UGT1A10: variants seen among roughly 807,000 people sequenced by gnomAD.
The protein encoded by UGT1A10 is UDP glucuronosyltransferase family 1 member A10.
A neutral mutation model predicts 45.8 loss-of-function variants in UGT1A10; 49 were observed. The observed-to-expected ratio is 1.07, with a 90% confidence interval of 0.85 to 1.36. The LOEUF (loss-of-function observed/expected upper bound fraction) is 1.36, where lower values mean the gene tolerates loss of function less well. Among genes scored for constraint, UGT1A10 ranks in the 40% most tolerant of loss-of-function variants. The pLI is 0.00. For missense variants in UGT1A10, 745 were observed against 668.6 expected (o/e 1.11, Z -1.26); for synonymous variants, 284 against 249.7 (o/e 1.14, Z -1.29).
chr2:233,740,373 A>C (rs1691376932), intron 1 of UGT1A10, among the ~76,000 whole-genome samples: 2 of 151,912 alleles, frequency 1.3e-5, no homozygotes, highest in Non-Finnish European at 2.9e-5. Context: ...CTAGAAAGGT[A>C]AGTTGTTGTG....
intron 1 of UGT1A10, among the ~76,000 whole-genome samples, chr2:233,765,711 T>TTAATAATAA (rs10664358): frequency 0.012 from 1,790 of 149,272 alleles, 15 homozygotes; most frequent in Middle Eastern, 0.045. Context: ...ATAATAATAA[T>TTAATAATAA]TAATAATAAT....
intron 1 of UGT1A10, among the ~76,000 whole-genome samples, chr2:233,744,613 C>G (rs1692866168): frequency 6.6e-6 from 1 of 151,808 alleles, no homozygotes; most frequent in South Asian, 2.1e-4. Context: ...GTACTTGGCT[C>G]TATAGAGAGG....
intron 4 of UGT1A10, 76 bp from the exon 5 acceptor site, chr2:233,772,186 A>G (rs1281313129): frequency 2.5e-6 from 4 of 1,593,838 alleles, no homozygotes; most frequent in Non-Finnish European, 2.6e-6. Flanking sequence ...AGTCTTCTTA[A>G]GCAGCCATGA....
intron 1 of UGT1A10, among the ~76,000 whole-genome samples, chr2:233,637,690 C>A (rs2073338384): frequency 1.3e-5 from 2 of 152,106 alleles, no homozygotes; most frequent in South Asian, 4.2e-4. Context: ...TTCTATGTGA[C>A]CCCGTAGTTG....
chr2:233,724,345 C>T (rs2077230471), intron 1 of UGT1A10, among the ~76,000 whole-genome samples: 3 of 148,032 alleles, frequency 2.0e-5, no homozygotes, highest in East Asian at 2.1e-4. Flanking sequence ...GGCTGACCCC[C>T]CCCACCTCCC....
chr2:233,671,284 T>C (rs1575414721), intron 1 of UGT1A10, among the ~76,000 whole-genome samples: 1 of 152,220 alleles, frequency 6.6e-6, no homozygotes, highest in East Asian at 1.9e-4. Context: ...GAAAGCCATT[T>C]AAAATAGGAG....
rs140860588 is a variant in UGT1A10 at position 233,718,960 on chromosome 2, C to T, written c.856-48074C>T. On this transcript the variant is annotated intron_variant, in intron 1 of 4. Coordinates refer to ENST00000344644, the MANE Select transcript of UGT1A10 (RefSeq NM_019075.4). ...AGCCCCTGGCTCAGCATGCGGGAGG[C>T]CTTGCGGGAGCTCCATGCCAGAGGC... 1.4e-4 allele frequency: 218 copies of T among 1,614,192 alleles called. No homozygotes were observed. The highest frequency in any genetic ancestry group is 1.5e-4 in the Non-Finnish European group (177 of 1,180,018).
intron 1 of UGT1A10, among the ~76,000 whole-genome samples, chr2:233,720,305 G>A (rs1333507011): frequency 1.3e-5 from 2 of 152,288 alleles, no homozygotes; most frequent in African/African-American, 2.4e-5. Context: ...TGGGGGTCTG[G>A]TGTATGATGT....
intron 1 of UGT1A10, among the ~76,000 whole-genome samples, chr2:233,765,584 C>T (rs1030389138): frequency 7.2e-5 from 11 of 151,846 alleles, no homozygotes; most frequent in African/African-American, 4.8e-5. Flanking sequence ...GGGAGGGGAA[C>T]AACACACACC....
At chr2:233,641,166 A>C (rs763525009) in intron 1 of UGT1A10, among the ~76,000 whole-genome samples, 3 of 152,072 alleles carry the variant, frequency 2.0e-5, no homozygotes, top group Non-Finnish European at 4.4e-5. Context: ...CTTGCTGACT[A>C]TCTTGCAACA....
chr2:233,747,574 CT>C, intron 1 of UGT1A10: 1 of 1,587,022 alleles, frequency 6.3e-7, no homozygotes, highest in Non-Finnish European at 8.7e-7. Flanking sequence ...AAAAATTCAT[CT>C]TTGGTCTTTC....
intron 1 of UGT1A10, among the ~76,000 whole-genome samples, chr2:233,684,934 AGT>A (rs1284921630): frequency 1.3e-5 from 2 of 148,296 alleles, no homozygotes; most frequent in Non-Finnish European, 3.0e-5. Context: ...CAGGATTCAT[AGT>A]CTGCATTTCA....
intron 1 of UGT1A10, chr2:233,691,741 C>G (rs1019333955): frequency 3.1e-6 from 2 of 651,030 alleles, no homozygotes; most frequent in Non-Finnish European, 3.8e-6. Flanking sequence ...GAAGCAGATA[C>G]CAGGCTTTCT....
intron 1 of UGT1A10, among the ~76,000 whole-genome samples, chr2:233,653,978 C>T (rs2073797020): frequency 2.0e-5 from 3 of 152,222 alleles, no homozygotes; most frequent in Non-Finnish European, 4.4e-5. Flanking sequence ...TTTGTACGTA[C>T]ATGCCTAATG....
intron 1 of UGT1A10, among the ~76,000 whole-genome samples, chr2:233,659,846 C>T (rs997863205): frequency 6.6e-6 from 1 of 152,178 alleles, no homozygotes; most frequent in Non-Finnish European, 1.5e-5. Flanking sequence ...AATCCTTCTG[C>T]GAGATTGTCT....
intron 1 of UGT1A10, chr2:233,691,797 T>C (rs965810933): frequency 4.5e-6 from 1 of 224,276 alleles, no homozygotes; most frequent in Admixed American, 6.5e-5. Context: ...AGACTTATAC[T>C]TCTCAAATCT....
intron 1 of UGT1A10, chr2:233,689,912 C>T (rs1381963555): frequency 1.1e-5 from 5 of 456,566 alleles, no homozygotes; most frequent in Admixed American, 2.3e-5. Context: ...CAGGTAGGTG[C>T]CTGGAATTTC....
chr2:233,677,895 A>C (rs913161121), intron 1 of UGT1A10, among the ~76,000 whole-genome samples: 1 of 152,218 alleles, frequency 6.6e-6, no homozygotes, highest in Non-Finnish European at 1.5e-5. Context: ...CTCTATTCAG[A>C]ATAGAAAAGA....
At chr2:233,682,322 A>C in intron 1 of UGT1A10, 4 of 1,614,160 alleles carry the variant, frequency 2.5e-6, no homozygotes, top group Non-Finnish European at 3.4e-6. Flanking sequence ...GAGTTTGTTT[A>C]ATGACCGAAA....
Sources: gnomAD v4.1 joint callset for allele counts (sites outside exome capture counted in the v4.1 genomes callset) on GRCh38, gnomAD v4.1.1 for gene constraint, MANE v1.5 for transcripts, NCBI Gene and HGNC (gene_info 2026-07-23, HGNC 2026-07-21) for gene names.